The following SYNJ2 variants were observed in gnomAD, a reference collection of about 807,000 sequenced individuals.
SYNJ2 encodes polyphosphatidylinositol phosphatase SYNJ2.
SYNJ2 carries 116 observed loss-of-function variants against 141.3 expected under a neutral mutation model. The observed-to-expected ratio is 0.82, with a 90% CI of 0.71 to 0.96. The LOEUF is 0.96. Among genes scored for constraint, SYNJ2 ranks in the 40% least tolerant of loss-of-function variants. The pLI is 0.00. For synonymous variants in SYNJ2, 745 were observed against 777.7 expected, an observed-to-expected ratio of 0.96 and a Z score of 0.70; for missense variants, 1,873 against 1,934.8, an observed-to-expected ratio of 0.97 and a Z score of 0.60.
intron 1 of SYNJ2, among the ~76,000 whole-genome samples, chr6:157,984,100 C>T (rs539023233): frequency 7.9e-4 from 121 of 152,238 alleles, no homozygotes; most frequent in African/African-American, 2.7e-3. Context: ...TCTCCCAAAG[C>T]GTTGGGATTA....
Position 158,027,059 on chromosome 6 carries a change from A to C in SYNJ2, c.215-1697A>C. 4.1e-6 allele frequency: 4 copies of C among 985,376 alleles called. No homozygotes were observed. 61.0% of individuals were successfully genotyped at this position (985,376 alleles called of 1,614,324 possible). A position where few individuals can be genotyped will look rare whatever the true frequency, so the allele number is the denominator to read the frequency against. Reference sequence around the variant, plus strand: ...CCTGCTGGCAGCCCCACCCCATGGCATAGCAGCAGGCCCCTGGGAGCCCTG... The same window carrying C: ...CCTGCTGGCAGCCCCACCCCATGGCCTAGCAGCAGGCCCCTGGGAGCCCTG... On this transcript the variant is annotated intron_variant, in intron 2 of 26. Transcript: ENST00000355585. This position sits in a 1 kb window ranked among gnomAD's most constrained non-coding sequence, Gnocchi z 4.6.
rs548607857 is a variant in SYNJ2, at chr6:158,045,472, G to T, written c.795+2073G>T. ...GGCTGTCCTCCAGGCCACAACTGGG[G>T]ATGGTTCCGACTCTTGGTGAATTCC... On this transcript the variant is annotated intron_variant, in intron 5 of 26. Coordinates refer to ENST00000355585, the MANE Select transcript of SYNJ2 (RefSeq NM_003898.4). Among the ~76,000 whole-genome samples the T allele has an allele frequency of 2.5e-4, 38 of 152,274 alleles. No homozygotes were observed. The East Asian group carries it at 6.0e-3, about 24-fold the overall frequency.
At chr6:157,984,399 A>T (rs1583272630) in intron 1 of SYNJ2, among the ~76,000 whole-genome samples, 1 of 151,504 alleles carries the variant, frequency 6.6e-6, no homozygotes, top group Non-Finnish European at 1.5e-5. Flanking sequence ...GAAAGTGATT[A>T]TTTTTTTTCT....
At chr6:158,057,315 C>A (rs564290199) in intron 6 of SYNJ2, among the ~76,000 whole-genome samples, 22 of 152,202 alleles carry the variant, frequency 1.4e-4, no homozygotes, top group Admixed American at 5.2e-4. Context: ...CGTCCCCTTA[C>A]ACCCTGGGTG....
intron 15 of SYNJ2, among the ~76,000 whole-genome samples, chr6:158,072,114 T>TC (rs1411154444): frequency 6.6e-6 from 1 of 152,262 alleles, no homozygotes; most frequent in Non-Finnish European, 1.5e-5. Flanking sequence ...GAAAACCATG[T>TC]CCGTGGTCTG....
At chr6:158,066,695 C>T in intron 12 of SYNJ2, 60 bp downstream of exon 12, 5 of 1,567,772 alleles carry the variant, frequency 3.2e-6, no homozygotes, top group Non-Finnish European at 4.3e-6. Flanking sequence ...ACATGTCACG[C>T]TTGACCCTTT....
upstream of SYNJ2, among the ~76,000 whole-genome samples, chr6:157,981,415 C>G (rs1006947320): frequency 6.6e-6 from 1 of 152,228 alleles, no homozygotes; most frequent in African/African-American, 2.4e-5. This position sits in a 1 kb window ranked among gnomAD's most constrained non-coding sequence, Gnocchi z 6.4. Context: ...TATGACCCCG[C>G]TTCCCCGCAG....
chr6:157,991,044 C>T (rs1373155900), intron 1 of SYNJ2, among the ~76,000 whole-genome samples: 1 of 152,182 alleles, frequency 6.6e-6, no homozygotes, highest in Non-Finnish European at 1.5e-5. Context: ...AAGTCAATAC[C>T]TTTGCTTTCA....
At chr6:158,000,635 G>C (rs1372557909) in intron 1 of SYNJ2, among the ~76,000 whole-genome samples, 1 of 152,144 alleles carries the variant, frequency 6.6e-6, no homozygotes, top group East Asian at 1.9e-4. Context: ...CTGACTTTTA[G>C]TAAGTTGATC....
intron 25 of SYNJ2, among the ~76,000 whole-genome samples, chr6:158,092,226 C>T (rs557448590): frequency 6.6e-6 from 1 of 152,024 alleles, no homozygotes; most frequent in Non-Finnish European, 1.5e-5. Context: ...GTCTTTGGAT[C>T]ATCTACCCTG....
intron 4 of SYNJ2, among the ~76,000 whole-genome samples, chr6:158,036,420 G>A (rs752521624): frequency 6.6e-6 from 1 of 152,204 alleles, no homozygotes; most frequent in Non-Finnish European, 1.5e-5. Flanking sequence ...ATACAGCATG[G>A]AATAGTATGC....
chr6:158,068,272 C>T (rs12205429), intron 12 of SYNJ2, among the ~76,000 whole-genome samples: 29,576 of 152,100 alleles, frequency 0.19, 2,988 homozygotes, highest in Middle Eastern at 0.22. Context: ...CCTAGCTGGA[C>T]CCTGGGGAGG....
intron 7 of SYNJ2, among the ~76,000 whole-genome samples, chr6:158,060,441 ACT>A (rs1204721407): frequency 6.6e-6 from 1 of 151,536 alleles, no homozygotes; most frequent in Admixed American, 6.6e-5. Flanking sequence ...ATAGAGAAAA[ACT>A]CTCTCGTTGT....
intron 4 of SYNJ2, among the ~76,000 whole-genome samples, chr6:158,037,511 C>T (rs1446818800): frequency 6.6e-6 from 1 of 151,258 alleles, no homozygotes; most frequent in Non-Finnish European, 1.5e-5. Flanking sequence ...ACACCATTCT[C>T]CTGCCTCAGC....
intron 5 of SYNJ2, among the ~76,000 whole-genome samples, chr6:158,052,488 C>T (rs1178598473): frequency 6.6e-6 from 1 of 152,118 alleles, no homozygotes; most frequent in South Asian, 2.1e-4. Flanking sequence ...AAGCATGGTG[C>T]CAGCATCTGC....
chr6:158,023,353 G>A (rs1380285137), intron 2 of SYNJ2, among the ~76,000 whole-genome samples: 2 of 152,066 alleles, frequency 1.3e-5, no homozygotes, highest in South Asian at 4.2e-4. Flanking sequence ...GATTAGGCAG[G>A]ACACAGTGAG....
intron 1 of SYNJ2, among the ~76,000 whole-genome samples, chr6:158,005,467 C>A (rs1778032706): frequency 6.6e-6 from 1 of 152,278 alleles, no homozygotes; most frequent in Admixed American, 6.5e-5. Flanking sequence ...TCCCTCTTTG[C>A]CATGTCAGTG....
chr6:157,999,938 G>C (rs1216111896), intron 1 of SYNJ2, among the ~76,000 whole-genome samples: 1 of 152,138 alleles, frequency 6.6e-6, no homozygotes, highest in African/African-American at 2.4e-5. Context: ...ACACATGTTT[G>C]ACCTTTGGTT....
intron 20 of SYNJ2, 148 bp downstream of exon 20, chr6:158,081,658 G>A: frequency 3.2e-6 from 2 of 623,334 alleles, no homozygotes; most frequent in Middle Eastern, 9.2e-4. Flanking sequence ...GTCTTGCTCT[G>A]TCATTCAGGC....
Sources: gnomAD v4.1 joint callset for allele counts (sites outside exome capture counted in the v4.1 genomes callset) on GRCh38, gnomAD v4.1.1 for gene constraint, Gnocchi (gnomAD v3.1) non-coding constraint, MANE v1.5 for transcripts, NCBI Gene and HGNC (gene_info 2026-07-23, HGNC 2026-07-21) for gene names.